RELN: variants seen among roughly 807,000 people sequenced by gnomAD.
RELN encodes the protein reelin.
Under a neutral mutation model 427.6 loss-of-function variants are expected in RELN, and 108 were observed. The ratio of observed to expected loss-of-function variants is 0.25; its 90% CI spans 0.22 to 0.30. The LOEUF (loss-of-function observed/expected upper bound fraction) is 0.30, where lower values mean the gene tolerates loss of function less well. Ranked by LOEUF, RELN falls within the 10% of genes least tolerant of loss-of-function variation. The pLI is 1.00. For missense variants in RELN, 3,715 were observed against 4,302.8 expected (o/e 0.86, Z 3.82); for synonymous variants, 1,524 against 1,513.4 (o/e 1.01, Z -0.16).
At chr7:103,945,992 A>C (rs1000211475) in intron 1 of RELN, among the ~76,000 whole-genome samples, 5 of 152,150 alleles carry the variant, frequency 3.3e-5, no homozygotes, top group African/African-American at 1.2e-4. Flanking sequence ...CAAAATTGCT[A>C]ATGACACATT....
chr7:103,743,877 A>G (rs932739758), intron 6 of RELN, among the ~76,000 whole-genome samples: 1 of 152,146 alleles, frequency 6.6e-6, no homozygotes, highest in African/African-American at 2.4e-5. Context: ...TAACAAGGAT[A>G]CCCAGGAATT....
chr7:103,691,008 A>C (rs2115742962), intron 10 of RELN, among the ~76,000 whole-genome samples: 1 of 152,270 alleles, frequency 6.6e-6, no homozygotes, highest in Non-Finnish European at 1.5e-5. Flanking sequence ...GTAACCATTT[A>C]CAGTCCTCCT....
chr7:103,585,334 G>A (rs79657326), intron 28 of RELN, among the ~76,000 whole-genome samples: 2 of 151,994 alleles, frequency 1.3e-5, no homozygotes, highest in East Asian at 1.9e-4. Context: ...AAAGAGAGAA[G>A]ATTCAAATAA....
intron 17 of RELN, among the ~76,000 whole-genome samples, chr7:103,638,302 C>G (rs1352865823): frequency 1.3e-5 from 2 of 152,150 alleles, no homozygotes; most frequent in Non-Finnish European, 2.9e-5. Context: ...TTCTAATGCT[C>G]TGTCTCCTCA....
intron 16 of RELN, among the ~76,000 whole-genome samples, chr7:103,644,652 T>C (rs1562937522): frequency 6.6e-6 from 1 of 151,542 alleles, no homozygotes; most frequent in Admixed American, 6.6e-5. Context: ...TCCAAACCTA[T>C]GAGTCAAAGG....
chr7:103,929,475 G>GA (rs1795814477), intron 1 of RELN, among the ~76,000 whole-genome samples: 2 of 151,884 alleles, frequency 1.3e-5, no homozygotes, highest in African/African-American at 4.8e-5. Context: ...CCTAGGAGAC[G>GA]TACAGAGTTA....
intron 3 of RELN, among the ~76,000 whole-genome samples, chr7:103,798,001 A>G (rs1406010146): frequency 6.6e-6 from 1 of 152,236 alleles, no homozygotes; most frequent in African/African-American, 2.4e-5. Context: ...TGTGGATTCT[A>G]CATGCACTGT....
intron 3 of RELN, among the ~76,000 whole-genome samples, chr7:103,788,917 T>C (rs562126694): frequency 5.0e-4 from 76 of 152,224 alleles, no homozygotes; most frequent in South Asian, 3.3e-3. Context: ...GGAGGTGTCA[T>C]GCTACCTGAC....
At position 103,989,166 on chromosome 7, in the gene RELN, T is replaced by G; in HGVS notation, c.191A>C (p.Asn64Thr). Residue 64 changes from asparagine (N) to threonine (T), a missense_variant, in exon 1 of 65, where the codon AAC (asparagine) becomes ACC (threonine). By Grantham distance (65) the Asn-to-Thr change is moderately conservative (BLOSUM62 0). Transcript: ENST00000428762. The surrounding 1 kb of genome is among the most constrained non-coding windows in gnomAD (Gnocchi z 4.9). ...TTGTCCCGGAACGTAGTAGGTGGGG[T>G]TGCCCGCAATATGCAGGGAAATGAG... ...EVLISLHIAGNPTYYVPGQEY... is the reference protein window; with the variant it reads ...EVLISLHIAGTPTYYVPGQEY... 6.2e-7 allele frequency: 1 copy of G among 1,613,696 alleles called. No individual in the cohort carries two copies. The highest frequency in any genetic ancestry group is 8.5e-7 in the Non-Finnish European group (1 of 1,179,916).
intron 3 of RELN, among the ~76,000 whole-genome samples, chr7:103,781,511 AG>A (rs1292098647): frequency 1.3e-5 from 2 of 152,310 alleles, no homozygotes; most frequent in East Asian, 3.9e-4. Context: ...TACTTCCTAT[AG>A]TCATCGTTTT....
intron 2 of RELN, among the ~76,000 whole-genome samples, chr7:103,842,392 C>T (rs753750126): frequency 5.7e-4 from 87 of 152,086 alleles, no homozygotes; most frequent in Non-Finnish European, 9.0e-4. Context: ...ATATGAATAA[C>T]TGTCTACTTA....
intron 2 of RELN, among the ~76,000 whole-genome samples, chr7:103,877,514 C>T (rs1584323960): frequency 6.6e-6 from 1 of 152,164 alleles, no homozygotes; most frequent in Non-Finnish European, 1.5e-5. Context: ...CCTCTGCCAC[C>T]ATCTTGGCTC....
chr7:103,807,864 G>T (rs1486066949), intron 3 of RELN, among the ~76,000 whole-genome samples: 1 of 152,002 alleles, frequency 6.6e-6, no homozygotes, highest in African/African-American at 2.4e-5. Context: ...TTGAACCAAA[G>T]GGCTCCTCTC....
At chr7:103,664,833 T>C (rs1476192103) in intron 11 of RELN, among the ~76,000 whole-genome samples, 1 of 152,174 alleles carries the variant, frequency 6.6e-6, no homozygotes, top group Admixed American at 6.5e-5. Context: ...TTCTCTCACT[T>C]TCTTATGATT....
intron 16 of RELN, among the ~76,000 whole-genome samples, chr7:103,645,695 A>G (rs1163797526): frequency 2.6e-5 from 4 of 151,800 alleles, no homozygotes; most frequent in Non-Finnish European, 5.9e-5. Flanking sequence ...AGAGACTTCA[A>G]CATGCCACTG....
rs80270828 is a variant in RELN, at chr7:103,749,273, T to C, written c.656+153A>G. On this transcript the variant is annotated intron_variant, in intron 6 of 64. Coordinates refer to ENST00000428762, the MANE Select transcript of RELN (RefSeq NM_005045.4). Reference sequence around the variant, plus strand: ...GTCAAGTAATAGACATTATATGCAGTCTACATTAAGCCCAGTTCCATAGCT... The same window carrying C: ...GTCAAGTAATAGACATTATATGCAGCCTACATTAAGCCCAGTTCCATAGCT... Among the ~76,000 whole-genome samples, 1,073 of 152,274 alleles carry C rather than the reference T, an allele frequency of 7.0e-3. 17 individuals carry two copies. The highest frequency in any genetic ancestry group is 0.025 in the African/African-American group (1,025 of 41,556).
intron 1 of RELN, among the ~76,000 whole-genome samples, chr7:103,920,245 TA>T (rs1584367866): frequency 6.6e-6 from 1 of 152,314 alleles, no homozygotes. Context: ...TAGACTTGCA[TA>T]AGTAGAAGTT....
chr7:103,919,809 A>T (rs1209172572), intron 1 of RELN, among the ~76,000 whole-genome samples: 1 of 152,222 alleles, frequency 6.6e-6, no homozygotes, highest in East Asian at 1.9e-4. Flanking sequence ...AAAGCGGAAA[A>T]GTGATTTATG....
At chr7:103,854,542 G>A (rs187391051) in intron 2 of RELN, among the ~76,000 whole-genome samples, 2 of 152,186 alleles carry the variant, frequency 1.3e-5, no homozygotes, top group African/African-American at 4.8e-5. Flanking sequence ...ACTTCATCAG[G>A]TCAGGGATGA....
Sources: gnomAD v4.1 joint callset for allele counts (sites outside exome capture counted in the v4.1 genomes callset) on GRCh38, gnomAD v4.1.1 for gene constraint, Gnocchi (gnomAD v3.1) non-coding constraint, MANE v1.5 for transcripts, NCBI Gene and HGNC (gene_info 2026-07-23, HGNC 2026-07-21) for gene names.